Variants in ARID5B observed in about 807,000 individuals in gnomAD.
ARID5B encodes AT-rich interactive domain-containing protein 5B.
ARID5B carries 13 observed loss-of-function variants against 97.2 expected under a neutral mutation model. The observed-to-expected ratio is 0.13, with a 90% CI of 0.09 to 0.21. The LOEUF (loss-of-function observed/expected upper bound fraction) is 0.21, where lower values mean the gene tolerates loss of function less well. Ranked by LOEUF, ARID5B falls within the 10% of genes least tolerant of loss-of-function variation. The probability of loss-of-function intolerance (pLI) is 1.00; values close to 1 mark genes in which losing one functional copy is unlikely to be tolerated. For missense variants in ARID5B, 1,210 were observed against 1,465.3 expected, an observed-to-expected ratio of 0.83 and a Z score of 2.84; for synonymous variants, 556 against 570.3, an observed-to-expected ratio of 0.97 and a Z score of 0.36.
chr10:61,905,230 C>A (rs1256419760), intron 2 of ARID5B, among the ~76,000 whole-genome samples: 1 of 152,122 alleles, frequency 6.6e-6, no homozygotes. Context: ...TTTTAAGTAA[C>A]CAAATGGAGA....
At chr10:62,009,251 C>T (rs556992486) in intron 4 of ARID5B, among the ~76,000 whole-genome samples, 41 of 152,292 alleles carry the variant, frequency 2.7e-4, no homozygotes, top group African/African-American at 8.9e-4. Context: ...TGTTTTGGCT[C>T]TCCAGGTGCC....
intron 4 of ARID5B, among the ~76,000 whole-genome samples, chr10:62,034,334 T>A (rs77215913): frequency 0.022 from 3,294 of 152,334 alleles, 100 homozygotes; most frequent in African/African-American, 0.074. Context: ...CTGCTGTTTG[T>A]TAATGTTTCC....
rs1840435106 is a variant in ARID5B, at chr10:62,094,415, G to A, written c.*1385G>A. ...TGGGGATAACTGACATACTGGATTA[G>A]CCTTTTCAAAAGAAAAGTCATCCTA... On this transcript the variant is annotated 3_prime_UTR_variant, in exon 10 of 10. Transcript: ENST00000279873. 1 of 230,314 alleles carries A rather than the reference G, an allele frequency of 4.3e-6. No individual in the cohort carries two copies. The highest frequency in any genetic ancestry group is 2.2e-5 in the African/African-American group (1 of 45,172). 14.3% of individuals were successfully genotyped at this position (230,314 alleles called of 1,614,324 possible). A position where few individuals can be genotyped will look rare whatever the true frequency, so the allele number is the denominator to read the frequency against.
chr10:62,006,441 T>TCAAA (rs1054261021), intron 4 of ARID5B, among the ~76,000 whole-genome samples: 70 of 152,134 alleles, frequency 4.6e-4, no homozygotes, highest in African/African-American at 1.2e-3. Context: ...AAACTCCGTT[T>TCAAA]CAAACAAACA....
chr10:61,949,465 C>T (rs1838292482), intron 3 of ARID5B, among the ~76,000 whole-genome samples: 1 of 152,104 alleles, frequency 6.6e-6, no homozygotes, highest in Admixed American at 6.5e-5. Context: ...GGTAAAACCC[C>T]GTTTCCTACT....
chr10:61,972,845 C>T (rs754454464), intron 3 of ARID5B, among the ~76,000 whole-genome samples: 28 of 152,168 alleles, frequency 1.8e-4, no homozygotes, highest in Admixed American at 8.5e-4. Context: ...AAAACATTTT[C>T]GGTAGAATTA....
chr10:62,039,748 G>A (rs1839611213), intron 4 of ARID5B, among the ~76,000 whole-genome samples: 1 of 152,210 alleles, frequency 6.6e-6, no homozygotes, highest in African/African-American at 2.4e-5. Flanking sequence ...TGCCCCCAGA[G>A]TTCAAACCTT....
intron 7 of ARID5B, among the ~76,000 whole-genome samples, chr10:62,062,880 T>C (rs76270606): frequency 0.029 from 4,357 of 151,974 alleles, 304 homozygotes; most frequent in Admixed American, 0.15. Flanking sequence ...TGAAATGAGT[T>C]GCATGGGATC....
chr10:62,066,865 A>G (rs1003692478), intron 7 of ARID5B, among the ~76,000 whole-genome samples: 1 of 152,152 alleles, frequency 6.6e-6, no homozygotes, highest in East Asian at 1.9e-4. Context: ...TTATTGATAT[A>G]TGTGTTCACT....
intron 2 of ARID5B, among the ~76,000 whole-genome samples, chr10:61,927,358 T>TA (rs1329243584): frequency 6.6e-6 from 1 of 152,148 alleles, no homozygotes; most frequent in Non-Finnish European, 1.5e-5. Flanking sequence ...GGGTCTCATC[T>TA]AAAAAATGAG....
chr10:61,950,985 C>G (rs1376098061), intron 3 of ARID5B, among the ~76,000 whole-genome samples: 1 of 152,106 alleles, frequency 6.6e-6, no homozygotes, highest in Non-Finnish European at 1.5e-5. Context: ...TCTTAATACT[C>G]GGTGGTATTG....
chr10:61,930,143 C>G (rs907769266), intron 2 of ARID5B, among the ~76,000 whole-genome samples: 3 of 152,126 alleles, frequency 2.0e-5, no homozygotes, highest in Non-Finnish European at 4.4e-5. Flanking sequence ...AAGACCACAT[C>G]CCAGATTGCA....
intron 2 of ARID5B, among the ~76,000 whole-genome samples, chr10:61,913,838 G>A (rs1184526208): frequency 1.3e-5 from 2 of 152,142 alleles, no homozygotes; most frequent in African/African-American, 2.4e-5. Context: ...CGCAACCTCC[G>A]CCTCCCAGAT....
At chr10:62,024,842 G>T (rs115259590) in intron 4 of ARID5B, 1 of 368,462 alleles carries the variant, frequency 2.7e-6, no homozygotes, top group Non-Finnish European at 4.9e-6. Flanking sequence ...GGCTTGGAAA[G>T]AACTTTTAAA....
At chr10:61,939,000 T>TGTGTGTGTGTGTGTGTGTGG in intron 2 of ARID5B, among the ~76,000 whole-genome samples, 1 of 150,676 alleles carries the variant, frequency 6.6e-6, no homozygotes, top group Non-Finnish European at 1.5e-5. Context: ...TGTGTGTGTG[T>TGTGTGTGTGTGTGTGTGTGG]GTGTCGGTGG....
Position 61,902,277 on chromosome 10 carries a change from C to T in ARID5B, c.140C>T (p.Thr47Met). The T allele has an allele frequency of 6.2e-7, 1 of 1,614,000 alleles. No individual in the cohort carries two copies. Among genetic ancestry groups the T allele is most frequent in the Non-Finnish European group, 8.5e-7 (1 of 1,180,020 alleles). The change falls in exon 2 of 10, where the codon ACG becomes ATG. Residue 47 changes from threonine to methionine, a missense_variant. Coordinates refer to ENST00000279873, the MANE Select transcript of ARID5B (RefSeq NM_032199.3). Reference sequence around the variant, plus strand: ...GGCGACTTTTTCTTTGTAAGATGTACGCCAAAGGATCCGATTTGCATAGCG... The same window carrying T: ...GGCGACTTTTTCTTTGTAAGATGTATGCCAAAGGATCCGATTTGCATAGCG... ...SLGDFFFVRC[T>M]PKDPICIAEL...
At chr10:61,960,195 A>G (rs2132820972) in intron 3 of ARID5B, among the ~76,000 whole-genome samples, 1 of 152,304 alleles carries the variant, frequency 6.6e-6, no homozygotes, top group South Asian at 2.1e-4. Context: ...AATTTTGACA[A>G]CAGGAGACAA....
chr10:62,080,071 C>T (rs1840191701), intron 8 of ARID5B, among the ~76,000 whole-genome samples: 1 of 152,288 alleles, frequency 6.6e-6, no homozygotes, highest in Middle Eastern at 3.4e-3. Flanking sequence ...TTGCACTCTG[C>T]CGCCATTTTG....
chr10:61,987,054 C>T (rs1409737020), intron 3 of ARID5B, among the ~76,000 whole-genome samples: 1 of 152,124 alleles, frequency 6.6e-6, no homozygotes, highest in African/African-American at 2.4e-5. Context: ...TGAAAGCTGC[C>T]GTCAGGGTGG....
Sources: allele counts gnomAD v4.1 joint callset (sites outside exome capture counted in the v4.1 genomes callset), GRCh38; gene constraint gnomAD v4.1.1; transcripts MANE v1.5; gene names NCBI Gene and HGNC (gene_info 2026-07-23, HGNC 2026-07-21).